GSS: variants seen among roughly 807,000 people sequenced by gnomAD.
GSS encodes the protein glutathione synthetase.
In GSS, 34 loss-of-function variants were observed where a neutral mutation model predicts 60.4. That is an observed-to-expected ratio of 0.56 (90% CI 0.43 to 0.75). The LOEUF (loss-of-function observed/expected upper bound fraction) is 0.75. GSS is among the 30% of genes least tolerant of loss of function. GSS has a pLI of 0.00. For missense variants in GSS, 499 were observed against 595.1 expected (o/e 0.84, Z 1.68); for synonymous variants, 224 against 239.0 (o/e 0.94, Z 0.58).
At chr20:34,931,586 C>T (rs1427805766) in intron 10 of GSS, 169 bp from the exon 11 acceptor site, 1 of 695,050 alleles carries the variant, frequency 1.4e-6, no homozygotes, top group Non-Finnish European at 2.6e-6. Context: ...AACAAACCCC[C>T]TGCAGCAGCC....
chr20:34,933,800 G>T (rs1195122955), intron 9 of GSS: 5 of 152,122 alleles, frequency 3.3e-5, no homozygotes, highest in African/African-American at 1.2e-4. Context: ...GCAAGGACTT[G>T]CCCAGGGTCA....
chr20:34,951,588 C>T (rs2081568607), intron 2 of GSS, 136 bp downstream of exon 2: 6 of 958,430 alleles, frequency 6.3e-6, no homozygotes, highest in Non-Finnish European at 9.3e-6. Context: ...TTTTCTACTT[C>T]TAGAGATCAA....
chr20:34,935,666 T>G, intron 8 of GSS, 24 bp from the exon 9 acceptor site: 1 of 1,560,266 alleles, frequency 6.4e-7, no homozygotes, highest in Non-Finnish European at 8.8e-7. Flanking sequence ...TGGAGAAGGC[T>G]GCTGTGTTAA....
chr20:34,946,153 C>A (rs1046693142), intron 2 of GSS, 55 bp from the exon 3 acceptor site: 89 of 1,468,540 alleles, frequency 6.1e-5, no homozygotes, highest in Non-Finnish European at 7.9e-5. Context: ...AACGGGTTGT[C>A]TTCCTGCAAA....
At chr20:34,933,807 G>C (rs955758707) in intron 9 of GSS, 1 of 152,084 alleles carries the variant, frequency 6.6e-6, no homozygotes, top group East Asian at 1.9e-4. Flanking sequence ...CTTGCCCAGG[G>C]TCATCTAGTA....
intron 12 of GSS, 71 bp from the exon 13 acceptor site, chr20:34,929,022 A>T (rs2081376603): frequency 1.0e-5 from 16 of 1,580,570 alleles, no homozygotes; most frequent in African/African-American, 1.3e-5. Context: ...CCCTGGACCC[A>T]GCTGAGCAGT....
chr20:34,932,233 C>G, intron 9 of GSS, 100 bp from the exon 10 acceptor site: 1 of 909,846 alleles, frequency 1.1e-6, no homozygotes. Context: ...TGATTTGTAT[C>G]TTCACCCTCA....
At chr20:34,947,387 CA>C (rs1356439148) in intron 2 of GSS, among the ~76,000 whole-genome samples, 1 of 151,846 alleles carries the variant, frequency 6.6e-6, no homozygotes, top group Non-Finnish European at 1.5e-5. Context: ...CATGCCCAGC[CA>C]AAATATTATT....
chr20:34,931,882 C>T, intron 10 of GSS, 57 bp downstream of exon 10: 1 of 1,484,100 alleles, frequency 6.7e-7, no homozygotes. Context: ...ACACATTGGG[C>T]TGTAGGTCTC....
intron 7 of GSS, 31 bp from the exon 8 acceptor site, chr20:34,936,871 T>C (rs780636134): frequency 3.7e-6 from 6 of 1,609,230 alleles, no homozygotes; most frequent in African/African-American, 1.3e-5. Context: ...CCAGAGGGAA[T>C]GGATGCTATG....
chr20:34,940,910 A>G (rs758858305), intron 6 of GSS, among the ~76,000 whole-genome samples: 10 of 152,204 alleles, frequency 6.6e-5, no homozygotes, highest in Admixed American at 2.0e-4. Flanking sequence ...TTCAGACCCA[A>G]TCATAACAAT....
At chr20:34,936,290 A>G (rs2081440077) in intron 8 of GSS, among the ~76,000 whole-genome samples, 1 of 152,218 alleles carries the variant, frequency 6.6e-6, no homozygotes, top group Admixed American at 6.5e-5. Context: ...AGGTCTAAAT[A>G]TATGTGCTGC....
At chr20:34,931,808 A>T in intron 10 of GSS, 131 bp downstream of exon 10, 1 of 812,794 alleles carries the variant, frequency 1.2e-6, no homozygotes, top group Non-Finnish European at 2.1e-6. Flanking sequence ...GGGGTTCTCC[A>T]GAGCATCACC....
intron 6 of GSS, among the ~76,000 whole-genome samples, chr20:34,939,325 T>C (rs1362398878): frequency 1.3e-5 from 2 of 152,220 alleles, no homozygotes; most frequent in African/African-American, 2.4e-5. Context: ...ATTCTACTCA[T>C]TCTAACCACA....
intron 11 of GSS, among the ~76,000 whole-genome samples, chr20:34,930,672 G>A (rs1569008825): frequency 6.6e-6 from 1 of 152,126 alleles, no homozygotes; most frequent in South Asian, 2.1e-4. Flanking sequence ...TTGAGTCCTG[G>A]ATCAATGTGT....
intron 6 of GSS, among the ~76,000 whole-genome samples, chr20:34,938,122 T>C (rs2081455012): frequency 1.3e-5 from 2 of 152,136 alleles, no homozygotes; most frequent in Admixed American, 6.5e-5. Flanking sequence ...CCTCCCAAAG[T>C]GTTAGCATTA....
chr20:34,932,185 C>G (rs757366496), intron 9 of GSS, 52 bp from the exon 10 acceptor site: 1 of 1,406,728 alleles, frequency 7.1e-7, no homozygotes, highest in East Asian at 2.3e-5. Context: ...CTTCAGCTGA[C>G]GTTTACTGAA....
At position 34,941,715 on chromosome 20, in the gene GSS, G is replaced by A. The variant is rs2147129053; in HGVS notation, c.606C>T (p.Pro202=). The change falls in exon 6 of 13, where the codon CCC becomes CCT. Residue 202 remains proline (P), a splice_region_variant and synonymous_variant. Coordinates refer to ENST00000651619, the MANE Select transcript of GSS (RefSeq NM_000178.4). ...IAKAWELYGS[P]NALVLLIAQE... ...CTGCTACCTTTTCACACCCTTACTT[G>A]GGTGAGCCGTAGAGCTCCCAGGCTT... 5 of 1,549,158 alleles carry A rather than the reference G, an allele frequency of 3.2e-6. No homozygotes were observed. The highest frequency in any genetic ancestry group is 4.5e-6 in the Non-Finnish European group (5 of 1,121,536).
intron 12 of GSS, 104 bp downstream of exon 12, chr20:34,929,297 A>G (rs1004654695): frequency 3.1e-5 from 31 of 1,000,036 alleles, no homozygotes; most frequent in Non-Finnish European, 4.7e-5. Context: ...CTGGCACCGA[A>G]GCCCAGGATT....
Sources: gnomAD v4.1 joint callset for allele counts (sites outside exome capture counted in the v4.1 genomes callset) on GRCh38, gnomAD v4.1.1 for gene constraint, MANE v1.5 for transcripts, NCBI Gene and HGNC (gene_info 2026-07-23, HGNC 2026-07-21) for gene names.